The following RIF1 variants were observed in gnomAD, a reference collection of about 807,000 sequenced individuals.
The protein encoded by RIF1 is telomere-associated protein RIF1.
Under a neutral mutation model 247.1 loss-of-function variants are expected in RIF1, and 45 were observed. That is an observed-to-expected ratio of 0.18 (90% CI 0.14 to 0.23). The LOEUF is 0.23. Among genes scored for constraint, RIF1 ranks in the 10% least tolerant of loss-of-function variants. RIF1 has a pLI of 1.00. For missense variants in RIF1, 2,967 were observed against 2,862.5 expected (o/e 1.04, Z -0.83); for synonymous variants, 1,087 against 978.8 (o/e 1.11, Z -2.06).
chr2:151,512,914 T>G, downstream of RIF1: 1 of 941,460 alleles, frequency 1.1e-6, no homozygotes, highest in Admixed American at 2.1e-5. Flanking sequence ...GATTAAGAGG[T>G]GAGCCATATT....
the RIF1 span, among the ~76,000 whole-genome samples, chr2:151,518,704 T>C: frequency 0.011 from 1,673 of 152,320 alleles, 36 homozygotes; most frequent in African/African-American, 0.037. Context: ...TTCTATGTCC[T>C]TAGAGAAAAG....
At chr2:151,529,524 T>C in the RIF1 span, among the ~76,000 whole-genome samples, 3 of 149,520 alleles carry the variant, frequency 2.0e-5, no homozygotes, top group African/African-American at 7.3e-5. Flanking sequence ...GTCATCAGTG[T>C]TGCCATATAA....
Position 151,465,160 on chromosome 2 carries a change from A to C in RIF1, c.5640A>C (p.Lys1880Asn), listed in dbSNP as rs980972314. The change falls in exon 30 of 36, where the codon AAA (lysine) becomes AAC (asparagine). Residue 1880 changes from lysine to asparagine, a missense_variant. By Grantham distance (94) the Lys-to-Asn change is moderately conservative (BLOSUM62 0). Transcript: ENST00000444746. ...TTTCACAGGAATCTTTGGAGACAAA[A>C]GAAGAAAAACCAGAAGAAACCCCAA... ...KNVSQESLETKEEKPEETPKM... is the reference protein window; with the variant it reads ...KNVSQESLETNEEKPEETPKM... 15 of 1,613,592 alleles carry C rather than the reference A, an allele frequency of 9.3e-6. No individual in the cohort carries two copies. Among genetic ancestry groups the C allele is most frequent in the Non-Finnish European group, 1.3e-5 (15 of 1,179,910 alleles).
intron 8 of RIF1, among the ~76,000 whole-genome samples, chr2:151,427,363 A>G (rs1689286436): frequency 1.3e-5 from 2 of 151,692 alleles, no homozygotes; most frequent in South Asian, 4.2e-4. Flanking sequence ...GGCATGTGCC[A>G]CCACGCCTGG....
At chr2:151,433,001 G>C in intron 9 of RIF1, 76 bp from the exon 10 acceptor site, 3 of 1,104,384 alleles carry the variant, frequency 2.7e-6, no homozygotes, top group South Asian at 3.7e-5. Context: ...TGTGATAAAA[G>C]ACTGTTGCAT....
chr2:151,471,351 T>A (rs1355917281), intron 34 of RIF1, among the ~76,000 whole-genome samples: 1 of 152,222 alleles, frequency 6.6e-6, no homozygotes. Flanking sequence ...TTTCTTTTGC[T>A]GTGCAGAAGC....
In RIF1 at chr2:151,457,971, A is replaced by G; in HGVS notation, c.2855+8A>G. ...TTATCCTGAAGAGTTAAAGTATGCT[A>G]ACAACAAAACTTATATACAACTAAC... On this transcript the variant is annotated splice_region_variant and intron_variant, in intron 24 of 35. Transcript: ENST00000444746. 1.3e-6 allele frequency: 2 copies of G among 1,599,448 alleles called. No homozygotes were observed. Among genetic ancestry groups the G allele is most frequent in the Non-Finnish European group, 1.7e-6 (2 of 1,167,196 alleles).
chr2:151,497,826 T>C lies in RIF1; in HGVS notation c.*514-1519T>C, dbSNP rs763358253. 5.2e-6 allele frequency: 8 copies of C among 1,527,986 alleles called. No individual in the cohort carries two copies. The East Asian group carries it at 7.4e-5, about 14-fold the overall frequency. 94.7% of individuals were successfully genotyped at this position (1,527,986 alleles called of 1,614,324 possible). A position where few individuals can be genotyped will look rare whatever the true frequency, so the allele number is the denominator to read the frequency against. ...CAGTCATCCAAGGAGCCAGAAGTTA[T>C]ATGCTGACAAAATGCCACCGACTAC... On this transcript the variant is annotated intron_variant and NMD_transcript_variant, in intron 10 of 13. Transcript: ENST00000454583.
intron 11 of RIF1, chr2:151,501,448 G>T: frequency 6.5e-7 from 1 of 1,539,872 alleles, no homozygotes; most frequent in South Asian, 1.2e-5. Context: ...TGACAGGTAG[G>T]GGAGTCCCCT....
At position 151,469,796 on chromosome 2, in the gene RIF1, A is replaced by G. The variant is rs753088386; in HGVS notation, c.7027A>G (p.Thr2343Ala). The change falls in exon 34 of 36, where the codon ACT becomes GCT. Residue 2343 changes from threonine (T) to alanine (A), a missense_variant. Physicochemically the swap from Thr to Ala is moderately conservative, Grantham distance 58. This residue lies in a region of RIF1 where 151 missense variants were observed against 163.4 expected (regional missense o/e 0.92). Coordinates refer to ENST00000444746, the MANE Select transcript of RIF1 (RefSeq NM_018151.5). The part of the protein sequence containing the change: ...LSTLTASEIK[T>A]LPIRSPKVSN... ...TACTCTTACAGCATCTGAAATAAAAACTCTTCCTATCCGTTCTCCAAAAGT... is the reference window on the plus strand; with the variant it reads ...TACTCTTACAGCATCTGAAATAAAAGCTCTTCCTATCCGTTCTCCAAAAGT... 11 of 1,611,568 alleles carry G rather than the reference A, an allele frequency of 6.8e-6. No individual in the cohort carries two copies. Among genetic ancestry groups the G allele is most frequent in the Middle Eastern group, 1.6e-4 (1 of 6,068 alleles).
the RIF1 span, chr2:151,527,439 T>C: frequency 1.0e-4 from 134 of 1,323,090 alleles, no homozygotes; most frequent in Non-Finnish European, 1.3e-4. Context: ...ATTTCTCAGG[T>C]GCAGTATGCA....
chr2:151,507,152 C>A, intron 13 of RIF1: 2 of 573,154 alleles, frequency 3.5e-6, no homozygotes, highest in Non-Finnish European at 6.1e-6. Flanking sequence ...TCTGGTAGCC[C>A]AAGGGAAATT....
At chr2:151,413,752 A>G (rs1686696509) in intron 3 of RIF1, among the ~76,000 whole-genome samples, 1 of 152,200 alleles carries the variant, frequency 6.6e-6, no homozygotes, top group Non-Finnish European at 1.5e-5. Flanking sequence ...TCGTTTTGTA[A>G]ATATAGAAGA....
the RIF1 span, among the ~76,000 whole-genome samples, chr2:151,530,014 C>G: frequency 6.6e-6 from 1 of 152,274 alleles, no homozygotes; most frequent in East Asian, 1.9e-4. Flanking sequence ...CTTCTGTGCT[C>G]CGGCAGTTAT....
At chr2:151,412,830 G>A (rs895310640) in intron 3 of RIF1, among the ~76,000 whole-genome samples, 1 of 151,918 alleles carries the variant, frequency 6.6e-6, no homozygotes, top group Non-Finnish European at 1.5e-5. Flanking sequence ...ATTTTAACGT[G>A]ATTTTTGGCG....
chr2:151,531,796 C>T, the RIF1 span: 1 of 1,608,306 alleles, frequency 6.2e-7, no homozygotes. Context: ...ACTTACATCG[C>T]TGATTTGTTT....
chr2:151,530,781 G>C, the RIF1 span: 9 of 411,266 alleles, frequency 2.2e-5, no homozygotes, highest in Admixed American at 1.2e-4. Flanking sequence ...GCTTGACTGA[G>C]CCCCAGGTGT....
At chr2:151,436,540 CAAAAAAA>C (rs561444176) in intron 11 of RIF1, among the ~76,000 whole-genome samples, 2 of 60,812 alleles carry the variant, frequency 3.3e-5, no homozygotes, top group Non-Finnish European at 6.9e-5. Context: ...GACTCTGTCT[CAAAAAAA>C]AAAAAAAAAA....
chr2:151,491,344 C>T (rs564221677), intron 9 of RIF1: 1 of 210,696 alleles, frequency 4.7e-6, no homozygotes, highest in Non-Finnish European at 9.7e-6. Flanking sequence ...TCAGGAAGTT[C>T]CTACAGGTCA....
Sources: allele counts gnomAD v4.1 joint callset (sites outside exome capture counted in the v4.1 genomes callset), GRCh38; gene constraint gnomAD v4.1.1; regional missense constraint gnomAD v4.1.1; transcripts MANE v1.5; gene names NCBI Gene and HGNC (gene_info 2026-07-23, HGNC 2026-07-21).